The following CBLN2 variants were observed in gnomAD, a reference collection of about 807,000 sequenced individuals.
CBLN2 encodes the protein cerebellin 2 precursor.
In CBLN2, 7 loss-of-function variants were observed where a neutral mutation model predicts 15.0. The observed-to-expected ratio is 0.47, with a 90% CI of 0.27 to 0.88. The LOEUF is 0.88. Among genes scored for constraint, CBLN2 ranks in the 40% least tolerant of loss-of-function variants. The pLI is 0.14. For missense variants in CBLN2, 242 were observed against 304.5 expected (o/e 0.79, Z 1.53); for synonymous variants, 149 against 135.2 (o/e 1.10, Z -0.71).
chr18:72,623,710 G>A (rs1465218582), intron 1 of CBLN2, among the ~76,000 whole-genome samples: 1 of 152,102 alleles, frequency 6.6e-6, no homozygotes, highest in Non-Finnish European at 1.5e-5. Flanking sequence ...GGACATGCAT[G>A]CCCTCATATG....
At chr18:72,625,989 C>T (rs1173292925) in intron 1 of CBLN2, among the ~76,000 whole-genome samples, 5 of 151,494 alleles carry the variant, frequency 3.3e-5, no homozygotes, top group East Asian at 1.9e-4. Flanking sequence ...TGTCCATTTC[C>T]GGTCATTTAT....
At chr18:72,562,171 G>A (rs1046344254) in intron 1 of CBLN2, among the ~76,000 whole-genome samples, 1 of 152,162 alleles carries the variant, frequency 6.6e-6, no homozygotes, top group Non-Finnish European at 1.5e-5. Context: ...CATAAATTGA[G>A]CGTATATGTG....
intron 1 of CBLN2, among the ~76,000 whole-genome samples, chr18:72,569,686 G>C (rs978073243): frequency 1.3e-5 from 2 of 152,080 alleles, no homozygotes; most frequent in East Asian, 3.9e-4. Flanking sequence ...GAGAGAGGGA[G>C]CAGGTGCTAC....
chr18:72,554,738 C>A (rs1261401090), intron 1 of CBLN2, among the ~76,000 whole-genome samples: 2 of 152,072 alleles, frequency 1.3e-5, no homozygotes. Flanking sequence ...CAGGCAAAGT[C>A]CTCAATAAAA....
At chr18:72,594,579 T>A (rs1389989300) in intron 1 of CBLN2, among the ~76,000 whole-genome samples, 1 of 152,144 alleles carries the variant, frequency 6.6e-6, no homozygotes, top group East Asian at 1.9e-4. Context: ...TTATTTATTC[T>A]GTTTTTTGGA....
At chr18:72,602,700 T>C (rs1418268208) in intron 1 of CBLN2, among the ~76,000 whole-genome samples, 1 of 152,176 alleles carries the variant, frequency 6.6e-6, no homozygotes, top group Non-Finnish European at 1.5e-5. Flanking sequence ...CTTGAGAGAA[T>C]GTAAGGGAAG....
chr18:72,605,110 G>A (rs947141748), intron 1 of CBLN2, among the ~76,000 whole-genome samples: 1 of 152,132 alleles, frequency 6.6e-6, no homozygotes, highest in Non-Finnish European at 1.5e-5. Flanking sequence ...CAATGAATTA[G>A]CACCTTTTCC....
chr18:72,581,338 T>TA (rs1397734816), intron 1 of CBLN2, among the ~76,000 whole-genome samples: 1 of 152,258 alleles, frequency 6.6e-6, no homozygotes, highest in East Asian at 1.9e-4. Flanking sequence ...TAACAATTTA[T>TA]ATATCTACTA....
chr18:72,541,736 A>C, intron 3 of CBLN2, 68 bp downstream of exon 3: 2 of 1,336,204 alleles, frequency 1.5e-6, no homozygotes, highest in Non-Finnish European at 2.0e-6. Context: ...CCTGAACCCC[A>C]GCCCGCGCGC....
chr18:72,552,921 G>C (rs1395135756), intron 1 of CBLN2, among the ~76,000 whole-genome samples: 1 of 152,190 alleles, frequency 6.6e-6, no homozygotes, highest in Admixed American at 6.5e-5. Flanking sequence ...AATTAGGAAA[G>C]TGTTAGGCAA....
chr18:72,566,237 C>T (rs189732408), intron 1 of CBLN2, among the ~76,000 whole-genome samples: 5 of 152,142 alleles, frequency 3.3e-5, no homozygotes, highest in Admixed American at 3.3e-4. Context: ...ATTAGTGCAG[C>T]CATTATGAAA....
At chr18:72,598,961 C>T (rs1360595168) in intron 1 of CBLN2, among the ~76,000 whole-genome samples, 1 of 152,182 alleles carries the variant, frequency 6.6e-6, no homozygotes, top group Non-Finnish European at 1.5e-5. Context: ...TTCAAGGCTG[C>T]CTTTCCTACC....
intron 1 of CBLN2, among the ~76,000 whole-genome samples, chr18:72,626,126 G>T (rs1176393362): frequency 6.6e-6 from 1 of 151,924 alleles, no homozygotes; most frequent in Non-Finnish European, 1.5e-5. Flanking sequence ...TGACTGAAGG[G>T]TTATCTCCCG....
chr18:72,627,513 G>A (rs1250091533), intron 1 of CBLN2, among the ~76,000 whole-genome samples: 1 of 152,168 alleles, frequency 6.6e-6, no homozygotes, highest in African/African-American at 2.4e-5. Flanking sequence ...TTTGAATACT[G>A]TTTATTGCTT....
chr18:72,571,584 TC>T (rs1188835471), intron 1 of CBLN2, among the ~76,000 whole-genome samples: 3 of 152,188 alleles, frequency 2.0e-5, no homozygotes, highest in Non-Finnish European at 4.4e-5. Flanking sequence ...CTGTACATAT[TC>T]TAAGAACATG....
intron 1 of CBLN2, among the ~76,000 whole-genome samples, chr18:72,601,047 A>G (rs2069544696): frequency 1.3e-5 from 2 of 152,212 alleles, no homozygotes; most frequent in African/African-American, 4.8e-5. Context: ...TGACCTCTGT[A>G]ACTGGCTGGT....
At chr18:72,551,096 T>G (rs1186790441) in intron 1 of CBLN2, among the ~76,000 whole-genome samples, 1 of 152,062 alleles carries the variant, frequency 6.6e-6, no homozygotes, top group Non-Finnish European at 1.5e-5. Context: ...TTTCAACACA[T>G]CTAGTATAGC....
chr18:72,551,107 A>T (rs1163483693), intron 1 of CBLN2, among the ~76,000 whole-genome samples: 1 of 152,016 alleles, frequency 6.6e-6, no homozygotes, highest in African/African-American at 2.4e-5. Flanking sequence ...CTAGTATAGC[A>T]TCTTTACTTT....
chr18:72,608,720 G>T (rs1307539617), intron 1 of CBLN2, among the ~76,000 whole-genome samples: 1 of 152,124 alleles, frequency 6.6e-6, no homozygotes, highest in African/African-American at 2.4e-5. Flanking sequence ...ACAGGTGTTG[G>T]GGCTGAGGGG....
Sources: gnomAD v4.1 joint callset for allele counts (sites outside exome capture counted in the v4.1 genomes callset) on GRCh38, gnomAD v4.1.1 for gene constraint, MANE v1.5 for transcripts, NCBI Gene and HGNC (gene_info 2026-07-23, HGNC 2026-07-21) for gene names.